Variants in NUDT3 observed in about 807,000 individuals in gnomAD.
The protein encoded by NUDT3 is nudix hydrolase 3.
In NUDT3, 9 loss-of-function variants were observed where a neutral mutation model predicts 23.6. The observed-to-expected ratio is 0.38, with a 90% CI of 0.23 to 0.66. The LOEUF (loss-of-function observed/expected upper bound fraction) is 0.66, where lower values mean the gene tolerates loss of function less well. Among genes scored for constraint, NUDT3 ranks in the 30% least tolerant of loss-of-function variants. The pLI is 0.52. For synonymous variants in NUDT3, 86 were observed against 82.6 expected (o/e 1.04, Z -0.22); for missense variants, 172 against 218.5 (o/e 0.79, Z 1.34).
At chr6:34,347,606 T>C (rs1764394182) in intron 1 of NUDT3, among the ~76,000 whole-genome samples, 1 of 152,186 alleles carries the variant, frequency 6.6e-6, no homozygotes, top group Admixed American at 6.5e-5. Context: ...TCTGTGGGAA[T>C]GATAAACCTA....
At chr6:34,316,505 G>A (rs1561904654) in intron 2 of NUDT3, among the ~76,000 whole-genome samples, 1 of 152,180 alleles carries the variant, frequency 6.6e-6, no homozygotes, top group Non-Finnish European at 1.5e-5. Flanking sequence ...GCATAGGTGT[G>A]AATGCTTGGA....
intron 2 of NUDT3, among the ~76,000 whole-genome samples, chr6:34,335,410 A>C (rs1764194057): frequency 6.6e-6 from 1 of 152,154 alleles, no homozygotes; most frequent in African/African-American, 2.4e-5. Flanking sequence ...GTTTAAGGGA[A>C]TCAATAAATA....
intron 1 of NUDT3, among the ~76,000 whole-genome samples, chr6:34,389,080 C>T (rs746005583): frequency 1.3e-5 from 2 of 152,134 alleles, no homozygotes; most frequent in Non-Finnish European, 2.9e-5. Flanking sequence ...ATAGCCTGGG[C>T]AACAAAGGGA....
At chr6:34,377,064 T>G (rs1764936737) in intron 1 of NUDT3, among the ~76,000 whole-genome samples, 1 of 152,214 alleles carries the variant, frequency 6.6e-6, no homozygotes, top group Non-Finnish European at 1.5e-5. Flanking sequence ...TGACTACTTC[T>G]GTATTTTGCA....
Position 34,309,422 on chromosome 6 carries a change from CAT to C in NUDT3, c.211-13739_211-13738del, listed in dbSNP as rs556695493. On this transcript the variant is annotated intron_variant, in intron 2 of 4. Transcript: ENST00000607016. ...TTAGAGGAAAACTTTAGGCTAAATG[CAT>C]ATATTAGAAAAGAAAGATCTAAAAT... 1.1e-4 allele frequency among the ~76,000 whole-genome samples: 16 copies of C among 151,966 alleles called. No individual in the cohort carries two copies. In the South Asian group the frequency reaches 2.9e-3, roughly 28 times the overall value.
intron 1 of NUDT3, 98 bp from the exon 2 acceptor site, chr6:34,342,070 AC>A: frequency 9.2e-7 from 1 of 1,088,148 alleles, no homozygotes; most frequent in Non-Finnish European, 1.3e-6. Context: ...AGTAACCAAG[AC>A]CCATTCTTTG....
rs746702624 is a variant in NUDT3 at position 34,288,819 on chromosome 6, ATTGTTGGCTGAGTAGCCTT to A, written c.434_452del (p.Gln145LeufsTer24). On this transcript the variant is annotated frameshift_variant, in exon 5 of 5. Transcript: ENST00000607016. LOFTEE classifies it high-confidence loss of function. ...ATGTGGTGGCCACGACTGGGGTGCC[ATTGTTGGCTGAGTAGCCTT>A]GCCTCAATGTTTCAAAATATGATGC... 9 of 1,614,004 alleles carry A rather than the reference ATTGTTGGCTGAGTAGCCTT, an allele frequency of 5.6e-6. No homozygotes were observed. Among genetic ancestry groups the A allele is most frequent in the Admixed American group, 3.3e-5 (2 of 59,978 alleles).
At chr6:34,360,868 C>A (rs1171944674) in intron 1 of NUDT3, among the ~76,000 whole-genome samples, 1 of 149,454 alleles carries the variant, frequency 6.7e-6, no homozygotes, top group African/African-American at 2.4e-5. Flanking sequence ...TAAAATTCAA[C>A]AATAAAAAAA....
chr6:34,320,103 C>T (rs973227758), intron 2 of NUDT3, among the ~76,000 whole-genome samples: 1 of 152,100 alleles, frequency 6.6e-6, no homozygotes, highest in Non-Finnish European at 1.5e-5. Flanking sequence ...TTTGAAAATA[C>T]TCTTGAAAAG....
rs953892417 is a variant in NUDT3, at chr6:34,376,530, G to A, written c.99+15734C>T. Among the ~76,000 whole-genome samples the A allele has an allele frequency of 5.9e-5, 9 of 152,200 alleles. No individual in the cohort carries two copies. In the East Asian group the frequency reaches 1.4e-3, roughly 23 times the overall value. On this transcript the variant is annotated intron_variant, in intron 1 of 4. Coordinates refer to ENST00000607016, the MANE Select transcript of NUDT3 (RefSeq NM_006703.4). The stretch of plus-strand genomic sequence containing the variant: ...GGCCTCAAGTGATTCTCCTGCTTCC[G>A]CCTCCCAAAGTGCTGGGATTACAGG...
intron 1 of NUDT3, among the ~76,000 whole-genome samples, chr6:34,343,674 G>A (rs1480871354): frequency 6.6e-6 from 1 of 152,056 alleles, no homozygotes; most frequent in Non-Finnish European, 1.5e-5. Flanking sequence ...TCATGATCTT[G>A]AATTTGGCAA....
intron 2 of NUDT3, among the ~76,000 whole-genome samples, chr6:34,313,684 C>T (rs753426962): frequency 2.8e-4 from 42 of 151,980 alleles, no homozygotes; most frequent in Non-Finnish European, 5.3e-4. Context: ...AAGTTAAGGC[C>T]GGGCGCAGTG....
chr6:34,371,240 G>A (rs1300863462), intron 1 of NUDT3, among the ~76,000 whole-genome samples: 1 of 152,178 alleles, frequency 6.6e-6, no homozygotes, highest in East Asian at 1.9e-4. Flanking sequence ...GGAGGCCGAG[G>A]CAGGCAGATC....
rs1404665463 is a variant in NUDT3 at position 34,284,414 on chromosome 6, C to G, written c.*4339G>C. 6.6e-6 allele frequency: 1 copy of G among 151,984 alleles called. No individual in the cohort carries two copies. The highest frequency in any genetic ancestry group is 2.4e-5 in the African/African-American group (1 of 41,356). The allele number at this position is 151,984 out of a possible 1,614,324, so 9.4% of individuals were successfully genotyped here. On this transcript the variant is annotated 3_prime_UTR_variant, in exon 5 of 5. Transcript: ENST00000607016. The stretch of plus-strand genomic sequence containing the variant: ...ATTTCTCCAGGTATTTCCTGCAATT[C>G]TAAATCCGCCCTTGATATTAGAGAA...
intron 2 of NUDT3, among the ~76,000 whole-genome samples, chr6:34,308,119 C>CA (rs533055608): frequency 3.3e-5 from 2 of 60,124 alleles, no homozygotes; most frequent in Non-Finnish European, 6.7e-5. Flanking sequence ...AACTCTGTCT[C>CA]AAAAAAAAAA....
chr6:34,341,869 C>T lies in NUDT3; in HGVS notation c.203G>A (p.Cys68Tyr). 1.2e-6 allele frequency: 2 copies of T among 1,613,858 alleles called. No individual in the cohort carries two copies. Among genetic ancestry groups the T allele is most frequent in the Admixed American group, 1.7e-5 (1 of 60,000 alleles). ...TCTCTTCTCCATGCATACCTCCTCA[C>T]AGACTTCACGAACTGCTGCCACACT... ...EPSVAAVREVCEEAGVKGTLG... is the reference protein window; with the variant it reads ...EPSVAAVREVYEEAGVKGTLG... Residue 68 changes from cysteine (C) to tyrosine (Y), a missense_variant, in exon 2 of 5, where the codon TGT becomes TAT. Transcript: ENST00000607016.
At chr6:34,363,163 A>G (rs143982820) in intron 1 of NUDT3, among the ~76,000 whole-genome samples, 191 of 152,312 alleles carry the variant, frequency 1.3e-3, no homozygotes, top group African/African-American at 4.4e-3. Flanking sequence ...AAAAGCTATC[A>G]GACATTCATA....
chr6:34,366,489 G>GAGGA (rs1342701195), intron 1 of NUDT3, among the ~76,000 whole-genome samples: 1 of 118,470 alleles, frequency 8.4e-6, no homozygotes, highest in South Asian at 3.9e-4. Flanking sequence ...GGGAGGGAGG[G>GAGGA]AGGGAGGGAG....
chr6:34,314,619 A>AG (rs989486966), intron 2 of NUDT3, among the ~76,000 whole-genome samples: 6 of 152,038 alleles, frequency 3.9e-5, no homozygotes, highest in Non-Finnish European at 8.8e-5. Context: ...AACTACATAA[A>AG]GGAACCTAAA....
Sources: gnomAD v4.1 joint callset for allele counts (sites outside exome capture counted in the v4.1 genomes callset) on GRCh38, gnomAD v4.1.1 for gene constraint, MANE v1.5 for transcripts, NCBI Gene and HGNC (gene_info 2026-07-23, HGNC 2026-07-21) for gene names.